BHLHE22: variants seen among roughly 807,000 people sequenced by gnomAD.
The protein encoded by BHLHE22 is basic helix-loop-helix family member e22.
A neutral mutation model predicts 17.6 loss-of-function variants in BHLHE22; 8 were observed. The ratio of observed to expected loss-of-function variants is 0.45; its 90% CI spans 0.27 to 0.82. The LOEUF is 0.82. BHLHE22 is among the 40% of genes least tolerant of loss of function. The probability of loss-of-function intolerance (pLI) is 0.16; values close to 1 mark genes in which losing one functional copy is unlikely to be tolerated. For missense variants in BHLHE22, 570 were observed against 581.5 expected (o/e 0.98, Z 0.20); for synonymous variants, 353 against 282.7 (o/e 1.25, Z -2.49).
chr8:64,581,201 G>A lies in BHLHE22; in HGVS notation c.411G>A (p.Ser137=), dbSNP rs199899043. The A allele has an allele frequency of 4.1e-4, 599 of 1,443,406 alleles. 3 individuals are homozygous for A. The African/African-American group carries it at 8.0e-3, about 19-fold the overall frequency. The allele number at this position is 1,443,406 out of a possible 1,614,324, so 89.4% of individuals were successfully genotyped here. ...LKYGESASRG[S]VAESSGGEQS... is the part of the protein sequence containing the mutation. ...ACGGCGAAAGCGCGAGCCGGGGCTC[G>A]GTGGCCGAGAGCAGCGGCGGCGAGC... The change falls in exon 1 of 1, where the codon TCG becomes TCA. Residue 137 remains serine, a synonymous_variant. Transcript: ENST00000321870. This position sits in a 1 kb window ranked among gnomAD's most constrained non-coding sequence, Gnocchi z 6.4.
chr8:64,582,699 T>G lies in BHLHE22; in HGVS notation c.*763T>G, dbSNP rs1363558256. ...TACTTTCTACTCTGCAATGATGTAT[T>G]AACAATTCATGGTATTTATTTGTTA... is the stretch of plus-strand genomic sequence containing the variant. On this transcript the variant is annotated 3_prime_UTR_variant, in exon 1 of 1. Coordinates refer to ENST00000321870, the MANE Select transcript of BHLHE22 (RefSeq NM_152414.5). 5 of 167,114 alleles carry G rather than the reference T, an allele frequency of 3.0e-5. No individual in the cohort carries two copies. The allele number at this position is 167,114 out of a possible 1,614,324, so 10.4% of individuals were successfully genotyped here.
chr8:64,581,360 C>G lies in BHLHE22; in HGVS notation c.570C>G (p.His190Gln), dbSNP rs770978840. 8.8e-5 allele frequency: 129 copies of G among 1,470,096 alleles called. No individual in the cohort carries two copies. Among genetic ancestry groups the G allele is most frequent in the Non-Finnish European group, 1.1e-4 (122 of 1,122,956 alleles). The allele number at this position is 1,470,096 out of a possible 1,614,324, so 91.1% of individuals were successfully genotyped here. A position where few individuals can be genotyped will look rare whatever the true frequency, so the allele number is the denominator to read the frequency against. The change falls in exon 1 of 1, where the codon CAC becomes CAG. Residue 190 changes from histidine to glutamine, a missense_variant. This residue lies in a region of BHLHE22 where 427 missense variants were observed against 376.2 expected (regional missense o/e 1.14). Coordinates refer to ENST00000321870, the MANE Select transcript of BHLHE22 (RefSeq NM_152414.5). The surrounding 1 kb of genome is among the most constrained non-coding windows in gnomAD (Gnocchi z 6.4). Reference protein sequence around the residue: ...AAEGCSNAHLHGGASVPPGGL... With the variant: ...AAEGCSNAHLQGGASVPPGGL... ...AGGGCTGCTCCAATGCCCACCTCCA[C>G]GGCGGCGCCAGCGTCCCCCCGGGGG...
In BHLHE22 at chr8:64,581,767, C is replaced by A; in HGVS notation, c.977C>A (p.Ala326Asp). ...GCTGCCTCCCTGCCCAGCTCGGCGG[C>A]TGCAGCGGCAGCAGCTGCTGCCCTG... ...ISAASLPSSA[A>D]AAAAAAALHP... is the part of the protein sequence containing the mutation. Residue 326 changes from alanine (A) to aspartate (D), a missense_variant, in exon 1 of 1, where the codon GCT becomes GAT. Physicochemically the swap from Ala to Asp is moderately radical, Grantham distance 126. This residue lies in a region of BHLHE22 where 111 missense variants were observed against 122.0 expected (regional missense o/e 0.91). Coordinates refer to ENST00000321870, the MANE Select transcript of BHLHE22 (RefSeq NM_152414.5). The surrounding 1 kb of genome is among the most constrained non-coding windows in gnomAD (Gnocchi z 6.4). 6.3e-7 allele frequency: 1 copy of A among 1,590,108 alleles called. No homozygotes were observed. The highest frequency in any genetic ancestry group is 8.5e-7 in the Non-Finnish European group (1 of 1,171,706).
chr8:64,581,309 G>A lies in BHLHE22; in HGVS notation c.519G>A (p.Ala173=). The A allele has an allele frequency of 7.0e-7, 1 of 1,429,296 alleles. No homozygotes were observed. The highest frequency in any genetic ancestry group is 9.1e-7 in the Non-Finnish European group (1 of 1,104,334). The allele number at this position is 1,429,296 out of a possible 1,614,324, so 88.5% of individuals were successfully genotyped here. A position where few individuals can be genotyped will look rare whatever the true frequency, so the allele number is the denominator to read the frequency against. The change falls in exon 1 of 1, where the codon GCG becomes GCA. Residue 173 remains alanine (A), a synonymous_variant. Transcript: ENST00000321870. This position sits in a 1 kb window ranked among gnomAD's most constrained non-coding sequence, Gnocchi z 6.4. ...GVADPRASPG[A]GGGGAKAAEG... ...CCGACCCGCGGGCCTCCCCGGGAGCGGGAGGTGGTGGCGCGAAGGCAGCCG... is the reference window on the plus strand; with the variant it reads ...CCGACCCGCGGGCCTCCCCGGGAGCAGGAGGTGGTGGCGCGAAGGCAGCCG...
In BHLHE22 at chr8:64,581,060, TGGC is replaced by T. The variant is rs544639534; in HGVS notation, c.288_290del (p.Gly97del). On this transcript the variant is annotated inframe_deletion, in exon 1 of 1. Transcript: ENST00000321870. The surrounding 1 kb of genome is among the most constrained non-coding windows in gnomAD (Gnocchi z 6.4). ...GAGGCGGCGGCGGCAGCGCGGGAAG[TGGC>T]GGCGGCGGCGGCGGCGGGGTGGGTG... is the stretch of plus-strand genomic sequence containing the variant. 4.3e-4 allele frequency: 564 copies of T among 1,308,864 alleles called. No individual in the cohort carries two copies. Among genetic ancestry groups the T allele is most frequent in the South Asian group, 3.1e-3 (135 of 43,524 alleles). 81.1% of individuals were successfully genotyped at this position (1,308,864 alleles called of 1,614,324 possible). A position where few individuals can be genotyped will look rare whatever the true frequency, so the allele number is the denominator to read the frequency against.
In BHLHE22 at chr8:64,581,376, C is replaced by T. The variant is rs550729373; in HGVS notation, c.586C>T (p.Pro196Ser). The change falls in exon 1 of 1, where the codon CCC becomes TCC. Residue 196 changes from proline (P) to serine (S), a missense_variant. Pro to Ser is a moderately conservative substitution (Grantham distance 74). Around this residue, in one of 3 missense-constraint regions of BHLHE22, gnomAD observed 427 missense variants for 376.2 expected, o/e 1.14. Coordinates refer to ENST00000321870, the MANE Select transcript of BHLHE22 (RefSeq NM_152414.5). This position sits in a 1 kb window ranked among gnomAD's most constrained non-coding sequence, Gnocchi z 6.4. ...CCACCTCCACGGCGGCGCCAGCGTC[C>T]CCCCGGGGGGCCTGGGCGGCGGCGG... Reference protein sequence around the residue: ...NAHLHGGASVPPGGLGGGGGG... With the variant: ...NAHLHGGASVSPGGLGGGGGG... 32 of 1,482,736 alleles carry T rather than the reference C, an allele frequency of 2.2e-5. No individual in the cohort carries two copies. The highest frequency in any genetic ancestry group is 2.7e-5 in the Non-Finnish European group (30 of 1,127,576). 91.8% of individuals were successfully genotyped at this position (1,482,736 alleles called of 1,614,324 possible). A position where few individuals can be genotyped will look rare whatever the true frequency, so the allele number is the denominator to read the frequency against.
chr8:64,580,891 C>G lies in BHLHE22; in HGVS notation c.101C>G (p.Ala34Gly), dbSNP rs751745393. 1.4e-5 allele frequency: 21 copies of G among 1,521,672 alleles called. No homozygotes were observed. Among genetic ancestry groups the G allele is most frequent in the Non-Finnish European group, 1.8e-5 (21 of 1,145,540 alleles). 94.3% of individuals were successfully genotyped at this position (1,521,672 alleles called of 1,614,324 possible). ...SASTSKRLEA[A>G]FRSTPPGMDL... ...TCCACCTCCAAGCGCTTGGAAGCGG[C>G]TTTCCGCTCCACGCCCCCGGGCATG... Residue 34 changes from alanine to glycine, a missense_variant, in exon 1 of 1, where the codon GCT (alanine) becomes GGT (glycine). Ala to Gly is a moderately conservative substitution (Grantham distance 60). This residue lies in a region of BHLHE22 where 427 missense variants were observed against 376.2 expected (regional missense o/e 1.14). Coordinates refer to ENST00000321870, the MANE Select transcript of BHLHE22 (RefSeq NM_152414.5).
Position 64,581,918 on chromosome 8 carries a change from G to A in BHLHE22, c.1128G>A (p.Gln376=). The change falls in exon 1 of 1, where the codon CAG becomes CAA. Residue 376 remains glutamine (Q), a synonymous_variant. Transcript: ENST00000321870. This position sits in a 1 kb window ranked among gnomAD's most constrained non-coding sequence, Gnocchi z 6.4. The part of the protein sequence containing the change: ...FNSVSSSLCK[Q]CTEKP The stretch of plus-strand genomic sequence containing the variant: ...GCGTCTCCTCCAGCCTCTGCAAACA[G>A]TGCACGGAGAAGCCTTAAACACACC... The A allele has an allele frequency of 1.2e-6, 2 of 1,611,678 alleles. No homozygotes were observed. The highest frequency in any genetic ancestry group is 4.5e-5 in the East Asian group (2 of 44,822).
chr8:64,582,746 T>C lies in BHLHE22; in HGVS notation c.*810T>C, dbSNP rs1298392925. ...GTTATTCTTCAATGACCCTTCCACA[T>C]CAACAGTATTTATCATGTGTTAAAG... On this transcript the variant is annotated 3_prime_UTR_variant, in exon 1 of 1. Coordinates refer to ENST00000321870, the MANE Select transcript of BHLHE22 (RefSeq NM_152414.5). 1 of 167,130 alleles carries C rather than the reference T, an allele frequency of 6.0e-6. No homozygotes were observed. The highest frequency in any genetic ancestry group is 1.5e-5 in the Non-Finnish European group (1 of 68,124). 10.4% of individuals were successfully genotyped at this position (167,130 alleles called of 1,614,324 possible).
At position 64,580,992 on chromosome 8, in the gene BHLHE22, G is replaced by T. The variant is rs756875018; in HGVS notation, c.202G>T (p.Ala68Ser). Residue 68 changes from alanine (A) to serine (S), a missense_variant, in exon 1 of 1, where the codon GCT (alanine) becomes TCT (serine). Around this residue, in one of 3 missense-constraint regions of BHLHE22, gnomAD observed 427 missense variants for 376.2 expected, o/e 1.14. Transcript: ENST00000321870. ...SSSPLGCFEP[A>S]DPEGAGLLLP... ...GTCGCCCCTGGGCTGCTTCGAGCCG[G>T]CTGACCCCGAGGGGGCAGGGCTGCT... is the stretch of plus-strand genomic sequence containing the variant. The T allele has an allele frequency of 7.4e-7, 1 of 1,349,634 alleles. No individual in the cohort carries two copies. The highest frequency in any genetic ancestry group is 3.6e-5 in the Admixed American group (1 of 27,486). 83.6% of individuals were successfully genotyped at this position (1,349,634 alleles called of 1,614,324 possible). A position where few individuals can be genotyped will look rare whatever the true frequency, so the allele number is the denominator to read the frequency against.
rs1308138852 is a variant in BHLHE22, at chr8:64,581,089, TC to T, written c.303del (p.Leu103CysfsTer2). Reference sequence around the variant, plus strand: ...GGCGGCGGCGGCGGCGGGGTGGGTGTCCCCGGGCTGCTAGTAGGTTCAGCCG... The same window carrying T: ...GGCGGCGGCGGCGGCGGGGTGGGTGTCCCGGGCTGCTAGTAGGTTCAGCCG... ...SGGGGGGGVG[V>X]PGLLVGSAGV... On this transcript the variant is annotated frameshift_variant, in exon 1 of 1. Transcript: ENST00000321870. LOFTEE classifies it high-confidence loss of function. This position sits in a 1 kb window ranked among gnomAD's most constrained non-coding sequence, Gnocchi z 6.4. The T allele has an allele frequency of 2.3e-6, 3 of 1,297,186 alleles. No individual in the cohort carries two copies. Among genetic ancestry groups the T allele is most frequent in the Non-Finnish European group, 2.9e-6 (3 of 1,034,110 alleles). The allele number at this position is 1,297,186 out of a possible 1,614,324, so 80.4% of individuals were successfully genotyped here. A position where few individuals can be genotyped will look rare whatever the true frequency, so the allele number is the denominator to read the frequency against.
In BHLHE22 at chr8:64,580,827, G is replaced by T; in HGVS notation, c.37G>T (p.Gly13Cys). Residue 13 changes from glycine to cysteine, a missense_variant, in exon 1 of 1, where the codon GGC becomes TGC. By Grantham distance (159) the Gly-to-Cys change is radical. Around this residue, in one of 3 missense-constraint regions of BHLHE22, gnomAD observed 427 missense variants for 376.2 expected, o/e 1.14. Transcript: ENST00000321870. ...RGMHLGAAAA[G>C]EDDLFLHKSL... ...GATGCACCTCGGTGCAGCGGCCGCC[G>T]GCGAGGACGACCTCTTCCTGCACAA... is the stretch of plus-strand genomic sequence containing the variant. The T allele has an allele frequency of 1.4e-6, 2 of 1,457,844 alleles. No homozygotes were observed. Among genetic ancestry groups the T allele is most frequent in the South Asian group, 2.7e-5 (2 of 74,594 alleles). 90.3% of individuals were successfully genotyped at this position (1,457,844 alleles called of 1,614,324 possible). A position where few individuals can be genotyped will look rare whatever the true frequency, so the allele number is the denominator to read the frequency against.
rs1372912736 is a variant in BHLHE22 at position 64,582,299 on chromosome 8, G to T, written c.*363G>T. The T allele has an allele frequency of 1.2e-5, 4 of 322,782 alleles. No homozygotes were observed. Among genetic ancestry groups the T allele is most frequent in the African/African-American group, 6.9e-5 (3 of 43,704 alleles). The allele number at this position is 322,782 out of a possible 1,614,324, so 20.0% of individuals were successfully genotyped here. The stretch of plus-strand genomic sequence containing the variant: ...AGTGCTTGGTTATTAAGCCTGGAGA[G>T]TGTTTGAATGGCAAAATACTAATCC... On this transcript the variant is annotated 3_prime_UTR_variant, in exon 1 of 1. Transcript: ENST00000321870.
In BHLHE22 at chr8:64,582,023, T is replaced by A. The variant is rs1335674331; in HGVS notation, c.*87T>A. 8 of 1,469,300 alleles carry A rather than the reference T, an allele frequency of 5.4e-6. No homozygotes were observed. The highest frequency in any genetic ancestry group is 7.3e-6 in the Non-Finnish European group (8 of 1,088,688). The allele number at this position is 1,469,300 out of a possible 1,614,324, so 91.0% of individuals were successfully genotyped here. ...CACCCCCTTTATTTTGGTCCTCTCGTAGTTGTGAAACACTTGCAGAGCAAA... is the reference window on the plus strand; with the variant it reads ...CACCCCCTTTATTTTGGTCCTCTCGAAGTTGTGAAACACTTGCAGAGCAAA... On this transcript the variant is annotated 3_prime_UTR_variant, in exon 1 of 1. Coordinates refer to ENST00000321870, the MANE Select transcript of BHLHE22 (RefSeq NM_152414.5).
rs34265378 is a variant in BHLHE22 at position 64,581,463 on chromosome 8, G to GGCAGCAGCA, written c.695_703dup (p.Ser232_Ser234dup). 374 of 1,450,750 alleles carry GGCAGCAGCA rather than the reference G, an allele frequency of 2.6e-4. 2 individuals are homozygous for GGCAGCAGCA. In the Middle Eastern group the frequency reaches 4.5e-3, roughly 18 times the overall value. The allele number at this position is 1,450,750 out of a possible 1,614,324, so 89.9% of individuals were successfully genotyped here. A position where few individuals can be genotyped will look rare whatever the true frequency, so the allele number is the denominator to read the frequency against. On this transcript the variant is annotated inframe_insertion, in exon 1 of 1. Coordinates refer to ENST00000321870, the MANE Select transcript of BHLHE22 (RefSeq NM_152414.5). This position sits in a 1 kb window ranked among gnomAD's most constrained non-coding sequence, Gnocchi z 6.4. ...TGGCGGTAGCGGTAGCGGCAGCGGC[G>GGCAGCAGCA]GCAGCAGCAGCAGCAGCAGCAGCAG...
At position 64,581,219 on chromosome 8, in the gene BHLHE22, C is replaced by A. The variant is rs1804890783; in HGVS notation, c.429C>A (p.Gly143=). Residue 143 remains glycine (G), a synonymous_variant, in exon 1 of 1, where the codon GGC becomes GGA. Transcript: ENST00000321870. The surrounding 1 kb of genome is among the most constrained non-coding windows in gnomAD (Gnocchi z 6.4). ...ASRGSVAESS[G]GEQSPDDDSD... is the part of the protein sequence containing the mutation. ...GGGGCTCGGTGGCCGAGAGCAGCGG[C>A]GGCGAGCAGAGCCCCGACGACGACA... The A allele has an allele frequency of 1.4e-6, 2 of 1,454,098 alleles. No individual in the cohort carries two copies. The highest frequency in any genetic ancestry group is 2.7e-5 in the Admixed American group (1 of 36,736). 90.1% of individuals were successfully genotyped at this position (1,454,098 alleles called of 1,614,324 possible). A position where few individuals can be genotyped will look rare whatever the true frequency, so the allele number is the denominator to read the frequency against.
Position 64,581,872 on chromosome 8 carries a change from A to C in BHLHE22, c.1082A>C (p.Glu361Ala). Residue 361 changes from glutamate to alanine, a missense_variant, in exon 1 of 1, where the codon GAG (glutamate) becomes GCG (alanine). Physicochemically the swap from Glu to Ala is moderately radical, Grantham distance 107. Coordinates refer to ENST00000321870, the MANE Select transcript of BHLHE22 (RefSeq NM_152414.5). The surrounding 1 kb of genome is among the most constrained non-coding windows in gnomAD (Gnocchi z 6.4). ...AGLPPAASCPEKCALFNSVSS... is the reference protein window; with the variant it reads ...AGLPPAASCPAKCALFNSVSS... ...CTGCCCCCGGCTGCCTCCTGCCCGG[A>C]GAAGTGCGCCCTGTTTAACAGCGTC... 1 of 1,609,434 alleles carries C rather than the reference A, an allele frequency of 6.2e-7. No individual in the cohort carries two copies. The highest frequency in any genetic ancestry group is 8.5e-7 in the Non-Finnish European group (1 of 1,179,568).
In BHLHE22 at chr8:64,581,422, G is replaced by C; in HGVS notation, c.632G>C (p.Gly211Ala). 6.5e-7 allele frequency: 1 copy of C among 1,536,248 alleles called. No homozygotes were observed. Among genetic ancestry groups the C allele is most frequent in the Non-Finnish European group, 8.7e-7 (1 of 1,146,362 alleles). Residue 211 changes from glycine (G) to alanine (A), a missense_variant, in exon 1 of 1, where the codon GGT becomes GCT. Physicochemically the swap from Gly to Ala is moderately conservative, Grantham distance 60. This residue lies in a region of BHLHE22 where 427 missense variants were observed against 376.2 expected (regional missense o/e 1.14). Coordinates refer to ENST00000321870, the MANE Select transcript of BHLHE22 (RefSeq NM_152414.5). This position sits in a 1 kb window ranked among gnomAD's most constrained non-coding sequence, Gnocchi z 6.4. ...GGGGGGGSSS[G>A]SSGGGGGSGS... ...GGCGGCGGCGGGGGTAGCAGCAGCG[G>C]TAGCAGTGGCGGCGGTGGCGGTAGC...
rs1804874986 is a variant in BHLHE22, at chr8:64,580,711, T to C, written c.-80T>C. 3.3e-6 allele frequency: 3 copies of C among 912,838 alleles called. No individual in the cohort carries two copies. The highest frequency in any genetic ancestry group is 1.1e-4 in the East Asian group (1 of 8,844). 56.5% of individuals were successfully genotyped at this position (912,838 alleles called of 1,614,324 possible). On this transcript the variant is annotated 5_prime_UTR_variant, in exon 1 of 1. Transcript: ENST00000321870. ...CCGGAGCCCAGCTCGCGCGCGTCTGTGGGGCCGCCTGACTCCGGGGCCGAG... is the reference window on the plus strand; with the variant it reads ...CCGGAGCCCAGCTCGCGCGCGTCTGCGGGGCCGCCTGACTCCGGGGCCGAG...
Sources: allele counts gnomAD v4.1 joint callset, GRCh38; gene constraint gnomAD v4.1.1; regional missense constraint gnomAD v4.1.1; non-coding constraint Gnocchi (gnomAD v3.1); transcripts MANE v1.5; gene names NCBI Gene and HGNC (gene_info 2026-07-23, HGNC 2026-07-21).